Variants in STARD3NL observed in about 807,000 individuals in gnomAD.
The protein encoded by STARD3NL is STARD3 N-terminal-like protein.
In STARD3NL, 17 loss-of-function variants were observed where a neutral mutation model predicts 30.9. The observed-to-expected ratio is 0.55, with a 90% CI of 0.38 to 0.82. The LOEUF (loss-of-function observed/expected upper bound fraction) is 0.82, where lower values mean the gene tolerates loss of function less well. STARD3NL is among the 40% of genes least tolerant of loss of function. The pLI, the probability that STARD3NL is intolerant of heterozygous loss-of-function variation, is 0.00. For missense variants in STARD3NL, 234 were observed against 277.6 expected (o/e 0.84, Z 1.12); for synonymous variants, 112 against 100.5 (o/e 1.11, Z -0.69).
intron 4 of STARD3NL, chr7:38,215,486 G>T (rs1304022932): frequency 5.0e-6 from 1 of 198,612 alleles, no homozygotes; most frequent in South Asian, 1.2e-4. Context: ...GACATGGTCT[G>T]TACTTATTTA....
chr7:38,212,203 T>C (rs1161626751), intron 2 of STARD3NL, among the ~76,000 whole-genome samples: 1 of 152,198 alleles, frequency 6.6e-6, no homozygotes, highest in East Asian at 1.9e-4. Flanking sequence ...TGTCGTACTT[T>C]GGCTTGCAGA....
rs1165415606 is a variant in STARD3NL, at chr7:38,217,294, A to C, written c.542A>C (p.Glu181Ala). 3 of 1,613,966 alleles carry C rather than the reference A, an allele frequency of 1.9e-6. No homozygotes were observed. The highest frequency in any genetic ancestry group is 8.5e-7 in the Non-Finnish European group (1 of 1,179,916). Reference protein sequence around the residue: ...LDFKVLPQEAEEENRLLIVQD... With the variant: ...LDFKVLPQEAAEENRLLIVQD... ...TTCAAAGTGTTACCTCAAGAAGCAG[A>C]AGAAGAAAACAGTAAGTTCCTCTCA... The change falls in exon 6 of 9, where the codon GAA becomes GCA. Residue 181 changes from glutamate to alanine, a missense_variant. Transcript: ENST00000009041.
intron 1 of STARD3NL, among the ~76,000 whole-genome samples, chr7:38,196,733 G>T (rs1281892824): frequency 1.3e-5 from 2 of 151,926 alleles, no homozygotes; most frequent in Admixed American, 6.6e-5. Context: ...GAGATGACTG[G>T]TTTTTACCCA....
intron 1 of STARD3NL, chr7:38,202,058 T>G (rs1280831948): frequency 6.6e-6 from 1 of 152,260 alleles, no homozygotes; most frequent in Non-Finnish European, 1.5e-5. Context: ...TCATATTTAC[T>G]TACTGTTTCA....
chr7:38,228,721 T>A (rs1786927536), intron 7 of STARD3NL, 78 bp from the exon 8 acceptor site: 1 of 1,244,944 alleles, frequency 8.0e-7, no homozygotes, highest in African/African-American at 1.5e-5. Flanking sequence ...GTTATAATTT[T>A]AAACCTATTT....
At position 38,230,226 on chromosome 7, in the gene STARD3NL, A is replaced by C. The variant is rs560430779; in HGVS notation, c.*321A>C. ...CTAATCAAAAGACTTAATATATTGA[A>C]GTAACACTTTTTTAGTAAGCAAGAT... On this transcript the variant is annotated 3_prime_UTR_variant, in exon 9 of 9. Transcript: ENST00000009041. 6.5e-6 allele frequency: 1 copy of C among 152,792 alleles called. No individual in the cohort carries two copies. Among genetic ancestry groups the C allele is most frequent in the Non-Finnish European group, 1.5e-5 (1 of 68,030 alleles). 9.5% of individuals were successfully genotyped at this position (152,792 alleles called of 1,614,324 possible).
chr7:38,199,731 G>C (rs1785087444), intron 1 of STARD3NL, among the ~76,000 whole-genome samples: 2 of 152,236 alleles, frequency 1.3e-5, no homozygotes, highest in Non-Finnish European at 2.9e-5. Context: ...CCAGACAGTA[G>C]AAAGTGGCTG....
intron 1 of STARD3NL, among the ~76,000 whole-genome samples, chr7:38,182,203 CATCTT>C (rs1472796798): frequency 1.3e-5 from 2 of 152,098 alleles, no homozygotes; most frequent in East Asian, 1.9e-4. Flanking sequence ...ACACTTTTAT[CATCTT>C]ATCTTTGAGA....
In STARD3NL at chr7:38,214,340, CT is replaced by C; in HGVS notation, c.226-15del. 6.4e-7 allele frequency: 1 copy of C among 1,563,144 alleles called. No homozygotes were observed. The highest frequency in any genetic ancestry group is 1.4e-5 in the African/African-American group (1 of 73,134). ...CATAAACCTCTCCTTGTTTTTGCTT[CT>C]TACTCTCCTTTCTAGGTGAATGGAG... is the stretch of plus-strand genomic sequence containing the variant. On this transcript the variant is annotated splice_polypyrimidine_tract_variant and intron_variant, in intron 2 of 8. Transcript: ENST00000009041.
intron 7 of STARD3NL, among the ~76,000 whole-genome samples, chr7:38,222,052 C>T (rs113810237): frequency 7.2e-5 from 11 of 152,222 alleles, no homozygotes; most frequent in Admixed American, 3.9e-4. Flanking sequence ...CTGCCTTCAG[C>T]GCTGACCTGG....
intron 1 of STARD3NL, among the ~76,000 whole-genome samples, chr7:38,199,187 T>A (rs1336806468): frequency 6.6e-6 from 1 of 152,240 alleles, no homozygotes; most frequent in Non-Finnish European, 1.5e-5. Context: ...AGATTTAGCT[T>A]CCTGTGTATA....
At chr7:38,203,533 T>C (rs1785288819) in intron 1 of STARD3NL, among the ~76,000 whole-genome samples, 1 of 152,058 alleles carries the variant, frequency 6.6e-6, no homozygotes, top group Non-Finnish European at 1.5e-5. Context: ...CATGCCAAAT[T>C]GTAAAGACCA....
chr7:38,206,189 C>T (rs1785465412), intron 1 of STARD3NL, among the ~76,000 whole-genome samples: 1 of 152,154 alleles, frequency 6.6e-6, no homozygotes, highest in African/African-American at 2.4e-5. Flanking sequence ...TTTCTAAATT[C>T]TATTTTATGG....
rs182998107 is a variant in STARD3NL at position 38,215,235 on chromosome 7, G to A, written c.381+130G>A. 272 of 764,946 alleles carry A rather than the reference G, an allele frequency of 3.6e-4. 1 individual carries two copies. Among genetic ancestry groups the A allele is most frequent in the Admixed American group, 1.6e-3 (62 of 39,414 alleles). The allele number at this position is 764,946 out of a possible 1,614,324, so 47.4% of individuals were successfully genotyped here. ...AATCCCACCAGCTTTCCTGAGTCCC[G>A]TTTCCTCCATACTTAAGTAGGTTTA... On this transcript the variant is annotated intron_variant, in intron 4 of 8. Transcript: ENST00000009041.
chr7:38,212,747 A>C (rs1785880328), intron 2 of STARD3NL, among the ~76,000 whole-genome samples: 2 of 152,298 alleles, frequency 1.3e-5, no homozygotes, highest in African/African-American at 4.8e-5. Context: ...TCACTAAAGG[A>C]AGGAGTATGA....
chr7:38,193,399 C>T (rs1176033168), intron 1 of STARD3NL, among the ~76,000 whole-genome samples: 1 of 151,954 alleles, frequency 6.6e-6, no homozygotes, highest in Non-Finnish European at 1.5e-5. Flanking sequence ...CCTGGGTTCA[C>T]GCCATCCTCC....
Position 38,219,617 on chromosome 7 carries a change from T to C in STARD3NL, c.606T>C (p.Gly202=), listed in dbSNP as rs747738199. Residue 202 remains glycine (G), a synonymous_variant, in exon 7 of 9, where the codon GGT becomes GGC. Transcript: ENST00000009041. ...AGAGGGCAGCACTTATACCTGGTGG[T>C]CTTTCTGATGGTCAGTTTTATTCCC... ...ASERAALIPG[G]LSDGQFYSPP... 2 of 1,612,992 alleles carry C rather than the reference T, an allele frequency of 1.2e-6. No individual in the cohort carries two copies. The highest frequency in any genetic ancestry group is 8.5e-7 in the Non-Finnish European group (1 of 1,179,272).
At chr7:38,220,673 A>G (rs1052848377) in intron 7 of STARD3NL, among the ~76,000 whole-genome samples, 9 of 152,262 alleles carry the variant, frequency 5.9e-5, no homozygotes, top group African/African-American at 2.2e-4. Context: ...CAGAGACCAC[A>G]GCAGATATGT....
At chr7:38,210,589 C>T (rs962855534) in intron 2 of STARD3NL, among the ~76,000 whole-genome samples, 3 of 152,136 alleles carry the variant, frequency 2.0e-5, no homozygotes, top group African/African-American at 7.2e-5. Context: ...TTGATTCTAT[C>T]CAAGGCCTCT....
Sources: allele counts gnomAD v4.1 joint callset (sites outside exome capture counted in the v4.1 genomes callset), GRCh38; gene constraint gnomAD v4.1.1; transcripts MANE v1.5; gene names NCBI Gene and HGNC (gene_info 2026-07-23, HGNC 2026-07-21).